Variants in PTPRN2 observed in about 807,000 individuals in gnomAD.
PTPRN2 encodes the protein receptor-type tyrosine-protein phosphatase N2.
PTPRN2 carries 74 observed loss-of-function variants against 118.8 expected under a neutral mutation model. The observed-to-expected ratio is 0.62, with a 90% CI of 0.52 to 0.76. The LOEUF (loss-of-function observed/expected upper bound fraction) is 0.76, where lower values mean the gene tolerates loss of function less well. Among genes scored for constraint, PTPRN2 ranks in the 30% least tolerant of loss-of-function variants. The pLI is 0.00. For missense variants in PTPRN2, 1,481 were observed against 1,394.4 expected (o/e 1.06, Z -0.99); for synonymous variants, 641 against 608.0 (o/e 1.05, Z -0.80).
At chr7:158,089,573 ATGAAAGAGGGAGTCTT>A (rs1563419364) in intron 10 of PTPRN2, among the ~76,000 whole-genome samples, 60 of 122,082 alleles carry the variant, frequency 4.9e-4, no homozygotes, top group South Asian at 8.5e-4. Context: ...TCTTCCCCTG[ATGAAAGAGGGAGTCTT>A]CACACAAACC....
chr7:157,757,887 C>G (rs893811961), intron 12 of PTPRN2, among the ~76,000 whole-genome samples: 1 of 152,170 alleles, frequency 6.6e-6, no homozygotes, highest in South Asian at 2.1e-4. Context: ...CCCTGACGCC[C>G]GAGACACCGC....
intron 13 of PTPRN2, among the ~76,000 whole-genome samples, chr7:157,663,473 C>T (rs113892160): frequency 4.6e-5 from 7 of 152,348 alleles, no homozygotes; most frequent in African/African-American, 1.2e-4. Context: ...CAGTCTGCTG[C>T]GCTCACGGGG....
intron 3 of PTPRN2, among the ~76,000 whole-genome samples, chr7:158,312,716 T>A (rs1451353296): frequency 2.7e-5 from 1 of 36,568 alleles, no homozygotes; most frequent in Non-Finnish European, 7.0e-5. Flanking sequence ...CGTGCTCACA[T>A]ATAGATACCC....
At chr7:158,313,354 G>T (rs1802030775) in intron 3 of PTPRN2, among the ~76,000 whole-genome samples, 1 of 152,194 alleles carries the variant, frequency 6.6e-6, no homozygotes, top group African/African-American at 2.4e-5. Flanking sequence ...CTGGGAAGGT[G>T]TCAGCAATTC....
chr7:157,901,764 G>A (rs1247998358), intron 11 of PTPRN2, among the ~76,000 whole-genome samples: 1 of 30,060 alleles, frequency 3.3e-5, no homozygotes, highest in African/African-American at 1.0e-4. Context: ...TGTTTCCTGG[G>A]TCCTGAGGCG....
chr7:158,249,569 C>T (rs1431252577), intron 3 of PTPRN2, among the ~76,000 whole-genome samples: 1 of 152,062 alleles, frequency 6.6e-6, no homozygotes, highest in Non-Finnish European at 1.5e-5. Context: ...TGCACACACA[C>T]ACCCTGCATG....
At chr7:158,512,964 T>C (rs1823283240) in intron 1 of PTPRN2, among the ~76,000 whole-genome samples, 1 of 152,156 alleles carries the variant, frequency 6.6e-6, no homozygotes, top group African/African-American at 2.4e-5. Flanking sequence ...GAGACAAATC[T>C]CCTGTGCAGA....
At chr7:158,175,791 T>C (rs1824134841) in intron 5 of PTPRN2, among the ~76,000 whole-genome samples, 1 of 152,152 alleles carries the variant, frequency 6.6e-6, no homozygotes, top group African/African-American at 2.4e-5. Context: ...TCAACAAATT[T>C]GTAGCGAGTT....
At chr7:157,829,827 C>G (rs150529581) in intron 12 of PTPRN2, among the ~76,000 whole-genome samples, 5 of 152,224 alleles carry the variant, frequency 3.3e-5, no homozygotes, top group Admixed American at 6.5e-5. Context: ...GGCGGCAACA[C>G]GTTTGTCCCT....
intron 2 of PTPRN2, among the ~76,000 whole-genome samples, chr7:158,340,218 G>A (rs1410509890): frequency 7.0e-5 from 5 of 71,614 alleles, no homozygotes; most frequent in East Asian, 4.6e-4. Flanking sequence ...AAGAGCTGAT[G>A]CCGGCACACG....
chr7:158,406,448 A>G lies in PTPRN2; in HGVS notation c.163+83287T>C, dbSNP rs563723891. Among the ~76,000 whole-genome samples, 3 of 151,762 alleles carry G rather than the reference A, an allele frequency of 2.0e-5. No individual in the cohort carries two copies. In the East Asian group the frequency reaches 5.8e-4, roughly 30 times the overall value. On this transcript the variant is annotated intron_variant, in intron 2 of 22. Coordinates refer to ENST00000389418, the MANE Select transcript of PTPRN2 (RefSeq NM_002847.5). ...TCATCCGTGAGACATGTGGCTGCAC[A>G]CTGAGATCCCGGTGGCTCATCCATG...
At chr7:158,065,702 T>C (rs1198819109) in intron 11 of PTPRN2, among the ~76,000 whole-genome samples, 1 of 152,240 alleles carries the variant, frequency 6.6e-6, no homozygotes, top group Non-Finnish European at 1.5e-5. Context: ...GAACTCTTAT[T>C]CATTTTCAGA....
rs1020829934 is a variant in PTPRN2, at chr7:158,525,330, GAGC to G, written c.113-35548_113-35546del. Among the ~76,000 whole-genome samples the G allele has an allele frequency of 5.3e-5, 8 of 152,338 alleles. No homozygotes were observed. The highest frequency in any genetic ancestry group is 1.4e-4 in the African/African-American group (6 of 41,580). On this transcript the variant is annotated intron_variant, in intron 1 of 22. Coordinates refer to ENST00000389418, the MANE Select transcript of PTPRN2 (RefSeq NM_002847.5). This position sits in a 1 kb window ranked among gnomAD's most constrained non-coding sequence, Gnocchi z 4.1. Reference sequence around the variant, plus strand: ...AATGTGCAACAAAACCGTGAGACCCGAGCAGAAGCTGCAGCAGAAGGTAGCACG... The same window carrying G: ...AATGTGCAACAAAACCGTGAGACCCGAGAAGCTGCAGCAGAAGGTAGCACG...
intron 3 of PTPRN2, among the ~76,000 whole-genome samples, chr7:158,313,165 C>T (rs529658333): frequency 4.6e-5 from 7 of 152,136 alleles, no homozygotes; most frequent in South Asian, 2.1e-4. Context: ...TGTGCAGGTA[C>T]GTGTGCCTTC....
At chr7:158,441,245 GGTGATGGTGATGGTGATGGTGATAGTGA>G (rs1817124328) in intron 2 of PTPRN2, among the ~76,000 whole-genome samples, 2 of 106,756 alleles carry the variant, frequency 1.9e-5, no homozygotes, top group Admixed American at 9.2e-5. Context: ...TGGCAATGAA[GGTGATGGTGATGGTGATGGTGATAGTGA>G]TGGTGATGGT....
At chr7:157,576,569 C>G (rs1440800339) in intron 19 of PTPRN2, 44 bp downstream of exon 19, 1 of 1,548,448 alleles carries the variant, frequency 6.5e-7, no homozygotes, top group Non-Finnish European at 8.8e-7. Flanking sequence ...CCCTGTGCCG[C>G]GCGCTCAGCG....
intron 14 of PTPRN2, among the ~76,000 whole-genome samples, chr7:157,628,337 C>T (rs1045941923): frequency 3.9e-5 from 6 of 152,208 alleles, no homozygotes; most frequent in African/African-American, 1.4e-4. Context: ...TCTAGGAACA[C>T]GGAGCACAGA....
chr7:158,465,902 G>A (rs561350059), intron 2 of PTPRN2, among the ~76,000 whole-genome samples: 8 of 152,284 alleles, frequency 5.3e-5, no homozygotes, highest in South Asian at 2.1e-4. Context: ...CTGGGGACCC[G>A]CAGTCACACG....
rs1049230342 is a variant in PTPRN2, at chr7:157,787,427, T to TG, written c.1789-104491dup. On this transcript the variant is annotated intron_variant, in intron 12 of 22. Coordinates refer to ENST00000389418, the MANE Select transcript of PTPRN2 (RefSeq NM_002847.5). The surrounding 1 kb of genome is among the most constrained non-coding windows in gnomAD (Gnocchi z 5.3). ...AGTCTGGCGCAGCAGCCGGTGGGCC[T>TG]GGGGGGCGCGTGGACTCCCAGCTGT... Among the ~76,000 whole-genome samples, 3 of 151,978 alleles carry TG rather than the reference T, an allele frequency of 2.0e-5. No individual in the cohort carries two copies. The highest frequency in any genetic ancestry group is 6.5e-5 in the Admixed American group (1 of 15,268).
Sources: allele counts gnomAD v4.1 joint callset (sites outside exome capture counted in the v4.1 genomes callset), GRCh38; gene constraint gnomAD v4.1.1; non-coding constraint Gnocchi (gnomAD v3.1); transcripts MANE v1.5; gene names NCBI Gene and HGNC (gene_info 2026-07-23, HGNC 2026-07-21).